The following PLCB1 variants were observed in gnomAD, a reference collection of about 807,000 sequenced individuals.
The protein encoded by PLCB1 is 1-phosphatidylinositol 4,5-bisphosphate phosphodiesterase beta-1.
In PLCB1, 46 loss-of-function variants were observed where a neutral mutation model predicts 161.8. That is an observed-to-expected ratio of 0.28 (90% CI 0.22 to 0.36). The LOEUF (loss-of-function observed/expected upper bound fraction) is 0.36. Among genes scored for constraint, PLCB1 ranks in the 10% least tolerant of loss-of-function variants. PLCB1 has a pLI of 1.00. For missense variants in PLCB1, 1,016 were observed against 1,472.5 expected (o/e 0.69, Z 5.07); for synonymous variants, 517 against 503.7 (o/e 1.03, Z -0.35).
intron 3 of PLCB1, among the ~76,000 whole-genome samples, chr20:8,574,688 G>A (rs1245030939): frequency 6.6e-6 from 1 of 152,202 alleles, no homozygotes; most frequent in Non-Finnish European, 1.5e-5. Context: ...TGGAAACTGG[G>A]AGGCATGATC....
intron 2 of PLCB1, among the ~76,000 whole-genome samples, chr20:8,274,427 C>T (rs1982429876): frequency 6.6e-6 from 1 of 151,506 alleles, no homozygotes; most frequent in South Asian, 2.1e-4. Flanking sequence ...GAACGTTTGT[C>T]CCCTTGTGTG....
intron 2 of PLCB1, among the ~76,000 whole-genome samples, chr20:8,181,687 A>G (rs2051845069): frequency 6.6e-6 from 1 of 152,182 alleles, no homozygotes; most frequent in African/African-American, 2.4e-5. Flanking sequence ...ATTAATAGCT[A>G]CCACTGGCTG....
chr20:8,815,156 C>G (rs1040930486), intron 31 of PLCB1, among the ~76,000 whole-genome samples: 12 of 152,158 alleles, frequency 7.9e-5, no homozygotes, highest in Non-Finnish European at 1.8e-4. Context: ...CTCTGGGTTC[C>G]TTCCTTTATT....
At chr20:8,266,375 A>T (rs1981956302) in intron 2 of PLCB1, among the ~76,000 whole-genome samples, 1 of 152,210 alleles carries the variant, frequency 6.6e-6, no homozygotes, top group Non-Finnish European at 1.5e-5. Context: ...ATCCTCCAAG[A>T]GGCTAGCACT....
At chr20:8,246,166 T>G (rs1274779280) in intron 2 of PLCB1, among the ~76,000 whole-genome samples, 1 of 151,968 alleles carries the variant, frequency 6.6e-6, no homozygotes, top group Non-Finnish European at 1.5e-5. Flanking sequence ...AGATAGCTAT[T>G]TTTGTGCAAA....
At chr20:8,868,077 T>C (rs3848829) in intron 31 of PLCB1, among the ~76,000 whole-genome samples, 45,506 of 152,118 alleles carry the variant, frequency 0.3, 7,750 homozygotes, top group East Asian at 0.65. Flanking sequence ...GCTATGATTT[T>C]TCCTTATTCC....
intron 23 of PLCB1, among the ~76,000 whole-genome samples, chr20:8,745,069 T>C (rs1981099441): frequency 6.6e-6 from 1 of 152,204 alleles, no homozygotes; most frequent in Admixed American, 6.5e-5. Flanking sequence ...TTTAGAGGCA[T>C]GGAATCACAT....
intron 3 of PLCB1, among the ~76,000 whole-genome samples, chr20:8,518,468 G>T (rs2122874508): frequency 6.6e-6 from 1 of 152,258 alleles, no homozygotes; most frequent in South Asian, 2.1e-4. Flanking sequence ...TGGAGACTGA[G>T]TATTCATTTC....
rs533122732 is a variant in PLCB1, at chr20:8,725,376, G to C, written c.1678+624G>C. Reference sequence around the variant, plus strand: ...AATGCCCCTTGTATTTGCATGAAGCGTAAGATGCTATCAGATTAAGGGAAT... The same window carrying C: ...AATGCCCCTTGTATTTGCATGAAGCCTAAGATGCTATCAGATTAAGGGAAT... On this transcript the variant is annotated intron_variant, in intron 16 of 31. Transcript: ENST00000338037. 2.6e-5 allele frequency among the ~76,000 whole-genome samples: 4 copies of C among 152,184 alleles called. No individual in the cohort carries two copies. In the South Asian group the frequency reaches 8.3e-4, roughly 32 times the overall value.
intron 2 of PLCB1, among the ~76,000 whole-genome samples, chr20:8,178,469 C>G (rs942439917): frequency 6.6e-6 from 1 of 152,098 alleles, no homozygotes; most frequent in Non-Finnish European, 1.5e-5. Flanking sequence ...TGTTCATGTC[C>G]TCTGCCTACT....
chr20:8,401,818 T>C (rs1355406669), intron 3 of PLCB1, among the ~76,000 whole-genome samples: 1 of 152,208 alleles, frequency 6.6e-6, no homozygotes, highest in Non-Finnish European at 1.5e-5. Flanking sequence ...CCAAGTCACA[T>C]GGCCCAGCCC....
intron 31 of PLCB1, among the ~76,000 whole-genome samples, chr20:8,798,907 CTG>C (rs1489111759): frequency 6.6e-6 from 1 of 152,130 alleles, no homozygotes; most frequent in Non-Finnish European, 1.5e-5. Flanking sequence ...CAAAAATACT[CTG>C]TGTCTCTTGA....
intron 2 of PLCB1, among the ~76,000 whole-genome samples, chr20:8,228,309 C>T (rs1024865151): frequency 7.9e-5 from 12 of 152,172 alleles, no homozygotes; most frequent in Non-Finnish European, 1.8e-4. Context: ...TCCCCACTAT[C>T]TCATACACCC....
chr20:8,716,670 G>C (rs1018498382), intron 13 of PLCB1, among the ~76,000 whole-genome samples: 1 of 152,158 alleles, frequency 6.6e-6, no homozygotes, highest in Non-Finnish European at 1.5e-5. Flanking sequence ...AGGGAACCTC[G>C]TCACACCTCT....
chr20:8,300,663 G>T (rs1280981994), intron 2 of PLCB1, among the ~76,000 whole-genome samples: 1 of 152,048 alleles, frequency 6.6e-6, no homozygotes, highest in Non-Finnish European at 1.5e-5. Flanking sequence ...TTAGCATTAG[G>T]TATGTTATTT....
At chr20:8,660,705 A>G (rs2123328366) in intron 9 of PLCB1, among the ~76,000 whole-genome samples, 1 of 152,296 alleles carries the variant, frequency 6.6e-6, no homozygotes, top group South Asian at 2.1e-4. Context: ...TTGCAAAATT[A>G]TTTAGTGCCA....
intron 2 of PLCB1, among the ~76,000 whole-genome samples, chr20:8,274,694 G>T (rs1002407443): frequency 1.3e-5 from 2 of 151,922 alleles, no homozygotes; most frequent in East Asian, 3.9e-4. Flanking sequence ...TTTTAGGAAG[G>T]GTTCAGAAGT....
chr20:8,781,893 C>T (rs996861179), intron 27 of PLCB1, among the ~76,000 whole-genome samples: 2 of 152,122 alleles, frequency 1.3e-5, no homozygotes, highest in African/African-American at 4.8e-5. Flanking sequence ...AATCATCTCC[C>T]ACCAGGTCCC....
intron 2 of PLCB1, among the ~76,000 whole-genome samples, chr20:8,180,744 A>G (rs1483138268): frequency 6.6e-6 from 1 of 152,202 alleles, no homozygotes; most frequent in Non-Finnish European, 1.5e-5. Flanking sequence ...GCCATCTAGG[A>G]TAACAATAAA....
Sources: gnomAD v4.1 joint callset for allele counts (sites outside exome capture counted in the v4.1 genomes callset) on GRCh38, gnomAD v4.1.1 for gene constraint, MANE v1.5 for transcripts, NCBI Gene and HGNC (gene_info 2026-07-23, HGNC 2026-07-21) for gene names.